The following PCSK5 variants were observed in gnomAD, a reference collection of about 807,000 sequenced individuals.
PCSK5 encodes prohormone convertase 5.
Under a neutral mutation model 233.2 loss-of-function variants are expected in PCSK5, and 129 were observed. The observed-to-expected ratio is 0.55, with a 90% CI of 0.48 to 0.64. The LOEUF (loss-of-function observed/expected upper bound fraction) is 0.64, where lower values mean the gene tolerates loss of function less well. PCSK5 is among the 30% of genes least tolerant of loss of function. PCSK5 has a pLI of 0.00. For synonymous variants in PCSK5, 825 were observed against 879.2 expected (o/e 0.94, Z 1.09); for missense variants, 2,076 against 2,430.1 (o/e 0.85, Z 3.06).
Position 76,189,630 on chromosome 9 carries a change from GATGTGATATC to G in PCSK5, c.2512_2521del (p.Cys838ValfsTer3). ...TAAAAAATTGTACATTTTTCTCATAGATGTGATATCAGTTGTTTGACGTGCAATGGCCCAG... is the reference window on the plus strand; with the variant it reads ...TAAAAAATTGTACATTTTTCTCATAGAGTTGTTTGACGTGCAATGGCCCAG... On this transcript the variant is annotated frameshift_variant and splice_region_variant, in exon 20 of 38. Transcript: ENST00000674117. LOFTEE classifies it high-confidence loss of function. 6.3e-7 allele frequency: 1 copy of G among 1,593,598 alleles called. No individual in the cohort carries two copies. The highest frequency in any genetic ancestry group is 8.6e-7 in the Non-Finnish European group (1 of 1,161,640).
intron 8 of PCSK5, among the ~76,000 whole-genome samples, chr9:76,100,283 A>G (rs1831701217): frequency 6.6e-6 from 1 of 152,264 alleles, no homozygotes; most frequent in Non-Finnish European, 1.5e-5. Flanking sequence ...AAGTTGTATA[A>G]CGAAAGAATT....
chr9:76,192,341 T>C (rs1824433251), intron 20 of PCSK5, among the ~76,000 whole-genome samples: 1 of 152,206 alleles, frequency 6.6e-6, no homozygotes, highest in African/African-American at 2.4e-5. Context: ...TATTGATGGC[T>C]CACCAGGCTT....
intron 3 of PCSK5, among the ~76,000 whole-genome samples, chr9:75,991,430 C>T (rs1826764258): frequency 6.6e-6 from 1 of 152,148 alleles, no homozygotes; most frequent in South Asian, 2.1e-4. Flanking sequence ...CCCCAGTTAT[C>T]AGATGGGGAA....
At chr9:76,008,265 TC>T (rs1401897504) in intron 3 of PCSK5, among the ~76,000 whole-genome samples, 1 of 152,164 alleles carries the variant, frequency 6.6e-6, no homozygotes, top group Non-Finnish European at 1.5e-5. Flanking sequence ...TTTGTTGTGT[TC>T]CTTTTTTCCT....
At chr9:75,977,731 C>T (rs1217698418) in intron 2 of PCSK5, among the ~76,000 whole-genome samples, 1 of 151,548 alleles carries the variant, frequency 6.6e-6, no homozygotes, top group Non-Finnish European at 1.5e-5. Context: ...CTGCCTCATC[C>T]CCCCAAGTAG....
intron 21 of PCSK5, among the ~76,000 whole-genome samples, chr9:76,230,019 A>C (rs1180337362): frequency 6.6e-6 from 1 of 152,248 alleles, no homozygotes; most frequent in African/African-American, 2.4e-5. Context: ...GTTGGCTTTA[A>C]GGAACATTTT....
chr9:76,263,800 G>T (rs1827255634), intron 24 of PCSK5, among the ~76,000 whole-genome samples: 1 of 151,208 alleles, frequency 6.6e-6, no homozygotes, highest in African/African-American at 2.4e-5. Context: ...AAAAAAAAAA[G>T]AAATCAGAGA....
chr9:76,327,528 A>G (rs1587334363), intron 32 of PCSK5, among the ~76,000 whole-genome samples: 1 of 152,198 alleles, frequency 6.6e-6, no homozygotes, highest in African/African-American at 2.4e-5. Context: ...GGCACTATGT[A>G]TTCAAAAATA....
At chr9:76,227,104 C>T (rs1414374196) in intron 20 of PCSK5, among the ~76,000 whole-genome samples, 2 of 152,146 alleles carry the variant, frequency 1.3e-5, no homozygotes, top group East Asian at 1.9e-4. Context: ...GGTTCCTGCT[C>T]ATTGCTTGAC....
At chr9:76,183,459 A>G (rs1244874548) in intron 16 of PCSK5, among the ~76,000 whole-genome samples, 1 of 152,192 alleles carries the variant, frequency 6.6e-6, no homozygotes, top group African/African-American at 2.4e-5. Context: ...GTTCCCTTGA[A>G]TAATTAATTT....
chr9:76,239,165 G>A lies in PCSK5; in HGVS notation c.3073G>A (p.Gly1025Ser), dbSNP rs1826350509. Residue 1025 changes from glycine to serine, a missense_variant and splice_region_variant, in exon 23 of 38, where the codon GGT (glycine) becomes AGT (serine). Physicochemically the swap from Gly to Ser is moderately conservative, Grantham distance 56. This residue lies in a region of PCSK5 where 1,510 missense variants were observed against 1,538.1 expected (regional missense o/e 0.98). Transcript: ENST00000674117. ...HTCQKLECGQ[G>S]EVQDPDYEEC... Reference sequence around the variant, plus strand: ...ATGCCAGAAGTTAGAGTGTGGACAAGGTAAGCCTGCTCCTGGGCCCTTGCC... The same window carrying A: ...ATGCCAGAAGTTAGAGTGTGGACAAAGTAAGCCTGCTCCTGGGCCCTTGCC... 1 of 1,571,826 alleles carries A rather than the reference G, an allele frequency of 6.4e-7. No homozygotes were observed. The highest frequency in any genetic ancestry group is 8.6e-7 in the Non-Finnish European group (1 of 1,159,026).
At chr9:76,089,230 G>A (rs1316424896) in intron 7 of PCSK5, among the ~76,000 whole-genome samples, 3 of 152,042 alleles carry the variant, frequency 2.0e-5, no homozygotes, top group East Asian at 1.9e-4. Context: ...TTTTCTCCCC[G>A]AGAGGAAGAA....
chr9:76,021,818 A>G (rs1208100264), intron 3 of PCSK5, among the ~76,000 whole-genome samples: 1 of 152,236 alleles, frequency 6.6e-6, no homozygotes, highest in Non-Finnish European at 1.5e-5. Context: ...AGTTGGAATA[A>G]AAGCCGAGTT....
chr9:76,354,604 TC>T (rs997749148), intron 37 of PCSK5, among the ~76,000 whole-genome samples: 13 of 151,922 alleles, frequency 8.6e-5, no homozygotes, highest in Non-Finnish European at 7.4e-5. Context: ...ACATGGCAAA[TC>T]CCTCTCTACT....
At chr9:75,897,887 G>A (rs761218589) in intron 1 of PCSK5, among the ~76,000 whole-genome samples, 10 of 152,070 alleles carry the variant, frequency 6.6e-5, no homozygotes, top group Non-Finnish European at 1.2e-4. Context: ...CACATAATAG[G>A]CCCATGAGGA....
chr9:75,997,840 A>G (rs1185179776), intron 3 of PCSK5, among the ~76,000 whole-genome samples: 4 of 152,208 alleles, frequency 2.6e-5, no homozygotes, highest in East Asian at 1.9e-4. Context: ...CTATTCAAAC[A>G]TTTGGTACAA....
intron 7 of PCSK5, among the ~76,000 whole-genome samples, chr9:76,078,889 A>C (rs7028028): frequency 6.6e-6 from 1 of 151,956 alleles, no homozygotes; most frequent in Non-Finnish European, 1.5e-5. Flanking sequence ...TAGGAAAAGC[A>C]TTGAATCTAT....
chr9:76,041,699 G>A (rs1175583373), intron 5 of PCSK5, among the ~76,000 whole-genome samples: 1 of 151,992 alleles, frequency 6.6e-6, no homozygotes, highest in Non-Finnish European at 1.5e-5. Context: ...AATTAGCCAG[G>A]TGTGGTGGCT....
chr9:76,288,786 C>T (rs1828167748), intron 24 of PCSK5, among the ~76,000 whole-genome samples: 1 of 152,204 alleles, frequency 6.6e-6, no homozygotes, highest in Non-Finnish European at 1.5e-5. Flanking sequence ...TTATGGGACA[C>T]CGAGTTTATG....
Sources: gnomAD v4.1 joint callset for allele counts (sites outside exome capture counted in the v4.1 genomes callset) on GRCh38, gnomAD v4.1.1 for gene constraint, gnomAD v4.1.1 regional missense constraint, MANE v1.5 for transcripts, NCBI Gene and HGNC (gene_info 2026-07-23, HGNC 2026-07-21) for gene names.